Variants in TMTC2 observed in about 807,000 individuals in gnomAD.
The protein encoded by TMTC2 is transmembrane O-mannosyltransferase targeting cadherins 2, also known as protein O-mannosyl-transferase TMTC2.
In TMTC2, 43 loss-of-function variants were observed where a neutral mutation model predicts 82.4. The ratio of observed to expected loss-of-function variants is 0.52; its 90% CI spans 0.41 to 0.67. TMTC2 has a LOEUF of 0.67. Among genes scored for constraint, TMTC2 ranks in the 30% least tolerant of loss-of-function variants. TMTC2 has a pLI of 0.00. For missense variants in TMTC2, 919 were observed against 1,012.4 expected, an observed-to-expected ratio of 0.91 and a Z score of 1.25; for synonymous variants, 408 against 381.9, an observed-to-expected ratio of 1.07 and a Z score of -0.80.
chr12:83,001,483 A>G (rs1268447179), intron 8 of TMTC2, among the ~76,000 whole-genome samples: 13 of 151,874 alleles, frequency 8.6e-5, no homozygotes, highest in Non-Finnish European at 1.5e-4. Context: ...ACTAAAAACA[A>G]AATTAGCTGG....
At chr12:83,078,857 T>C (rs1201367896) in intron 11 of TMTC2, among the ~76,000 whole-genome samples, 2 of 152,126 alleles carry the variant, frequency 1.3e-5, no homozygotes, top group Non-Finnish European at 2.9e-5. Flanking sequence ...AATAACAGGC[T>C]AAGGAGGGCA....
intron 1 of TMTC2, among the ~76,000 whole-genome samples, chr12:82,814,705 A>C (rs1868590454): frequency 6.6e-6 from 1 of 152,170 alleles, no homozygotes. Flanking sequence ...AAACCAAATG[A>C]ATATTGGAGT....
intron 1 of TMTC2, among the ~76,000 whole-genome samples, chr12:82,822,735 A>G (rs1869188224): frequency 6.6e-6 from 1 of 152,164 alleles, no homozygotes; most frequent in East Asian, 1.9e-4. Context: ...GATTTTGACA[A>G]TGGTACTAAA....
intron 4 of TMTC2, among the ~76,000 whole-genome samples, chr12:82,964,389 T>C (rs1408131998): frequency 6.6e-6 from 1 of 152,100 alleles, no homozygotes; most frequent in Non-Finnish European, 1.5e-5. Flanking sequence ...CAGAGAAAGA[T>C]GTTTTTCAGA....
At chr12:82,727,236 T>C (rs888810903) in intron 1 of TMTC2, among the ~76,000 whole-genome samples, 3 of 152,164 alleles carry the variant, frequency 2.0e-5, no homozygotes, top group African/African-American at 7.2e-5. Context: ...TTTCTTCTAG[T>C]CTTTTTTCCT....
chr12:83,015,445 T>A (rs1465909616), intron 8 of TMTC2, among the ~76,000 whole-genome samples: 1 of 152,176 alleles, frequency 6.6e-6, no homozygotes, highest in Non-Finnish European at 1.5e-5. Context: ...CAGGTGACAA[T>A]TAATCTGCAC....
chr12:82,851,706 C>G (rs1207024337), intron 1 of TMTC2, among the ~76,000 whole-genome samples: 1 of 152,126 alleles, frequency 6.6e-6, no homozygotes, highest in East Asian at 1.9e-4. Flanking sequence ...ATCTTTCTTG[C>G]AAAGAACATT....
At chr12:82,899,125 G>T (rs1873830286) in intron 3 of TMTC2, among the ~76,000 whole-genome samples, 1 of 152,092 alleles carries the variant, frequency 6.6e-6, no homozygotes, top group Non-Finnish European at 1.5e-5. Flanking sequence ...AGGAAGTGCT[G>T]CAGAATTTAG....
At chr12:82,955,469 T>A (rs945065679) in intron 4 of TMTC2, among the ~76,000 whole-genome samples, 3 of 152,170 alleles carry the variant, frequency 2.0e-5, no homozygotes, top group Non-Finnish European at 2.9e-5. Context: ...CATAAAATAT[T>A]ATCTTAGACA....
At chr12:83,036,311 T>TA (rs1267402255) in intron 9 of TMTC2, among the ~76,000 whole-genome samples, 1 of 152,108 alleles carries the variant, frequency 6.6e-6, no homozygotes, top group African/African-American at 2.4e-5. Flanking sequence ...TTAATTAGTT[T>TA]AAAAAATCCA....
chr12:82,875,364 A>G (rs1019317089), intron 2 of TMTC2, among the ~76,000 whole-genome samples: 1 of 149,634 alleles, frequency 6.7e-6, no homozygotes, highest in Non-Finnish European at 1.5e-5. Context: ...AAATTAAATC[A>G]TATATGTGTG....
At chr12:82,853,923 G>T (rs1871117167) in intron 1 of TMTC2, among the ~76,000 whole-genome samples, 1 of 150,856 alleles carries the variant, frequency 6.6e-6, no homozygotes, top group Non-Finnish European at 1.5e-5. Flanking sequence ...ACACTCTTTG[G>T]CAGTTTGGCA....
At chr12:83,050,779 A>G in intron 9 of TMTC2, 125 bp from the exon 10 acceptor site, 1 of 552,600 alleles carries the variant, frequency 1.8e-6, no homozygotes, top group Non-Finnish European at 3.2e-6. Flanking sequence ...TCTCTAAATA[A>G]TGAGTATGTT....
chr12:82,966,832 C>A, intron 6 of TMTC2, 87 bp from the exon 7 acceptor site: 1 of 991,418 alleles, frequency 1.0e-6, no homozygotes, highest in African/African-American at 1.6e-5. Context: ...ATGGTTTTAA[C>A]TTTGGAAGAA....
intron 2 of TMTC2, among the ~76,000 whole-genome samples, chr12:82,875,639 C>T (rs1180722967): frequency 6.6e-6 from 1 of 152,050 alleles, no homozygotes; most frequent in Non-Finnish European, 1.5e-5. Flanking sequence ...AATAATCAGA[C>T]AAAGTAAACT....
intron 9 of TMTC2, among the ~76,000 whole-genome samples, chr12:83,049,543 T>G (rs1882269368): frequency 6.6e-6 from 1 of 152,202 alleles, no homozygotes; most frequent in Admixed American, 6.5e-5. Flanking sequence ...TATACCACAT[T>G]TTCTTTATCC....
intron 8 of TMTC2, among the ~76,000 whole-genome samples, chr12:82,989,553 C>T (rs1478415030): frequency 6.6e-6 from 1 of 151,306 alleles, no homozygotes; most frequent in Admixed American, 6.6e-5. Context: ...TAATTCATTG[C>T]CCACCTGCAC....
At chr12:82,714,734 G>T (rs1160653772) in intron 1 of TMTC2, among the ~76,000 whole-genome samples, 1 of 152,020 alleles carries the variant, frequency 6.6e-6, no homozygotes. Flanking sequence ...TTAAAATGTT[G>T]TCACATAGCT....
At chr12:82,971,441 A>G (rs1298704832) in intron 7 of TMTC2, among the ~76,000 whole-genome samples, 3 of 152,020 alleles carry the variant, frequency 2.0e-5, no homozygotes, top group Admixed American at 6.6e-5. Context: ...GAACACTCTG[A>G]GTTTCTCTTT....
Sources: gnomAD v4.1 joint callset for allele counts (sites outside exome capture counted in the v4.1 genomes callset) on GRCh38, gnomAD v4.1.1 for gene constraint, MANE v1.5 for transcripts, NCBI Gene and HGNC (gene_info 2026-07-23, HGNC 2026-07-21) for gene names.